The following CNKSR3 variants were observed in gnomAD, a reference collection of about 807,000 sequenced individuals.
The protein encoded by CNKSR3 is connector enhancer of kinase suppressor of ras 3.
A neutral mutation model predicts 67.7 loss-of-function variants in CNKSR3; 36 were observed. The observed-to-expected ratio is 0.53, with a 90% confidence interval of 0.41 to 0.70. CNKSR3 has a LOEUF of 0.70. CNKSR3 is among the 30% of genes least tolerant of loss of function. CNKSR3 has a pLI of 0.00. For synonymous variants in CNKSR3, 281 were observed against 271.4 expected, an observed-to-expected ratio of 1.04 and a Z score of -0.35; for missense variants, 630 against 695.2, an observed-to-expected ratio of 0.91 and a Z score of 1.05.
Position 154,510,204 on chromosome 6 carries a change from C to T in CNKSR3, c.-90G>A, listed in dbSNP as rs1787187784. 2 of 1,494,458 alleles carry T rather than the reference C, an allele frequency of 1.3e-6. No homozygotes were observed. Among genetic ancestry groups the T allele is most frequent in the Non-Finnish European group, 9.3e-7 (1 of 1,077,730 alleles). The allele number at this position is 1,494,458 out of a possible 1,614,324, so 92.6% of individuals were successfully genotyped here. On this transcript the variant is annotated 5_prime_UTR_variant, in exon 1 of 13. Coordinates refer to ENST00000607772, the MANE Select transcript of CNKSR3 (RefSeq NM_173515.4). ...GGTGCCCCTTCCCGGGAGGGCGCGC[C>T]CGCGGCTGCTCCCCTGCGCCCGAGC...
At chr6:154,491,881 T>C (rs776737196) in intron 1 of CNKSR3, among the ~76,000 whole-genome samples, 1 of 152,172 alleles carries the variant, frequency 6.6e-6, no homozygotes, top group Non-Finnish European at 1.5e-5. Flanking sequence ...GATTACAGAT[T>C]TTAAAGGAAT....
chr6:154,406,269 G>T lies in CNKSR3; in HGVS notation c.*85C>A. On this transcript the variant is annotated 3_prime_UTR_variant, in exon 13 of 13. Transcript: ENST00000607772. Reference sequence around the variant, plus strand: ...TTGCATAAGGTCCCTACATAATACTGAGGCTGAAACGAGAAGAGGCTGTCC... The same window carrying T: ...TTGCATAAGGTCCCTACATAATACTTAGGCTGAAACGAGAAGAGGCTGTCC... 1 of 1,284,014 alleles carries T rather than the reference G, an allele frequency of 7.8e-7. No individual in the cohort carries two copies. Among genetic ancestry groups the T allele is most frequent in the Non-Finnish European group, 1.1e-6 (1 of 931,300 alleles). The allele number at this position is 1,284,014 out of a possible 1,614,324, so 79.5% of individuals were successfully genotyped here. A position where few individuals can be genotyped will look rare whatever the true frequency, so the allele number is the denominator to read the frequency against.
At chr6:154,479,472 A>C (rs1450088279) in intron 1 of CNKSR3, among the ~76,000 whole-genome samples, 2 of 152,190 alleles carry the variant, frequency 1.3e-5, no homozygotes, top group Admixed American at 1.3e-4. Flanking sequence ...CCTAAAAATA[A>C]CAAAGAAAGA....
Position 154,389,370 on chromosome 6 carries a change from T to C in CNKSR3, c.*16984A>G, listed in dbSNP as rs1483866222. ...CTATCCTTTCCCCATTATGTATTCT[T>C]GGCACCATTGTTGAAGATCAGTTGA... On this transcript the variant is annotated 3_prime_UTR_variant, in exon 13 of 13. Transcript: ENST00000607772. 6.6e-6 allele frequency: 1 copy of C among 152,488 alleles called. No homozygotes were observed. Among genetic ancestry groups the C allele is most frequent in the African/African-American group, 2.4e-5 (1 of 41,454 alleles). 9.4% of individuals were successfully genotyped at this position (152,488 alleles called of 1,614,324 possible).
chr6:154,452,001 G>C (rs1039700520), intron 1 of CNKSR3, among the ~76,000 whole-genome samples: 14 of 152,178 alleles, frequency 9.2e-5, no homozygotes, highest in African/African-American at 3.4e-4. Context: ...CAGGTGTTGA[G>C]ACCAACACCC....
In CNKSR3 at chr6:154,394,528, G is replaced by A. The variant is rs903607669; in HGVS notation, c.*11826C>T. On this transcript the variant is annotated 3_prime_UTR_variant, in exon 13 of 13. Transcript: ENST00000607772. ...CCAACCTGGAACATCCAAAGTGGAC[G>A]TTGATGAGGAAAATGTAAACTCTTA... is the stretch of plus-strand genomic sequence containing the variant. 1 of 150,558 alleles carries A rather than the reference G, an allele frequency of 6.6e-6. No individual in the cohort carries two copies. The highest frequency in any genetic ancestry group is 1.5e-5 in the Non-Finnish European group (1 of 67,876). 9.3% of individuals were successfully genotyped at this position (150,558 alleles called of 1,614,324 possible). A position where few individuals can be genotyped will look rare whatever the true frequency, so the allele number is the denominator to read the frequency against.
chr6:154,435,376 G>C (rs551989426), intron 4 of CNKSR3, among the ~76,000 whole-genome samples: 2 of 152,102 alleles, frequency 1.3e-5, no homozygotes, highest in Non-Finnish European at 2.9e-5. Context: ...CAATACACCA[G>C]AGCCCAAGAA....
In CNKSR3 at chr6:154,410,015, C is replaced by G. The variant is rs182461488; in HGVS notation, c.1369+328G>C. ...TGAGGTATGATCACGCCACTGCACTCCAGCCTGTGTAACAGAGCAAGATCC... is the reference window on the plus strand; with the variant it reads ...TGAGGTATGATCACGCCACTGCACTGCAGCCTGTGTAACAGAGCAAGATCC... On this transcript the variant is annotated intron_variant, in intron 12 of 12. Transcript: ENST00000607772. 3.1e-4 allele frequency among the ~76,000 whole-genome samples: 47 copies of G among 152,246 alleles called. 1 individual carries two copies. In the East Asian group the frequency reaches 9.1e-3, roughly 29 times the overall value.
chr6:154,449,400 G>A (rs1785776248), intron 2 of CNKSR3, among the ~76,000 whole-genome samples: 1 of 152,150 alleles, frequency 6.6e-6, no homozygotes, highest in African/African-American at 2.4e-5. Context: ...TCTGCTCACT[G>A]CAGCCTCCAC....
At position 154,393,861 on chromosome 6, in the gene CNKSR3, T is replaced by TTGCAAAACATTTCCCC. The variant is rs1455168582; in HGVS notation, c.*12492_*12493insGGGGAAATGTTTTGCA. On this transcript the variant is annotated 3_prime_UTR_variant, in exon 13 of 13. Coordinates refer to ENST00000607772, the MANE Select transcript of CNKSR3 (RefSeq NM_173515.4). ...CCAAGCCTTGCAAAACATGGCAAAA[T>TTGCAAAACATTTCCCC]AAATGTTTTGGGGAAAATGTAGTCT... 6.6e-6 allele frequency: 1 copy of TTGCAAAACATTTCCCC among 152,188 alleles called. No individual in the cohort carries two copies. The highest frequency in any genetic ancestry group is 2.4e-5 in the African/African-American group (1 of 41,434). The allele number at this position is 152,188 out of a possible 1,614,324, so 9.4% of individuals were successfully genotyped here.
chr6:154,454,114 G>C (rs879845636), intron 1 of CNKSR3, among the ~76,000 whole-genome samples: 61,404 of 105,958 alleles, frequency 0.58, 15,300 homozygotes, highest in East Asian at 0.73. Context: ...CAGAGAGAGA[G>C]AGAGAGAGAG....
At chr6:154,501,676 G>A (rs542504230) in intron 1 of CNKSR3, among the ~76,000 whole-genome samples, 1 of 152,172 alleles carries the variant, frequency 6.6e-6, no homozygotes, top group Non-Finnish European at 1.5e-5. Context: ...ATCCAAAGGA[G>A]TCCCCCACCC....
At chr6:154,505,789 C>T (rs1226876697) in intron 1 of CNKSR3, among the ~76,000 whole-genome samples, 8 of 148,650 alleles carry the variant, frequency 5.4e-5, no homozygotes, top group African/African-American at 1.4e-4. Flanking sequence ...CGTGAGCCAC[C>T]GCGCCTGGCC....
At chr6:154,490,295 G>C (rs532317803) in intron 1 of CNKSR3, among the ~76,000 whole-genome samples, 44 of 152,212 alleles carry the variant, frequency 2.9e-4, no homozygotes, top group Non-Finnish European at 5.4e-4. Context: ...CCCAGTTAGT[G>C]CTACATCCCA....
intron 7 of CNKSR3, among the ~76,000 whole-genome samples, chr6:154,426,966 G>T (rs2128714706): frequency 6.6e-6 from 1 of 152,278 alleles, no homozygotes; most frequent in East Asian, 1.9e-4. Flanking sequence ...ATCGTGTGTT[G>T]CATCTTGTGT....
rs1784736987 is a variant in CNKSR3, at chr6:154,403,400, T to G, written c.*2954A>C. On this transcript the variant is annotated 3_prime_UTR_variant, in exon 13 of 13. Coordinates refer to ENST00000607772, the MANE Select transcript of CNKSR3 (RefSeq NM_173515.4). Reference sequence around the variant, plus strand: ...TCTAGCCTGGGTGACAGAGTGAGAATCTGTCTCAGAAAAAAAAAAAAATTT... The same window carrying G: ...TCTAGCCTGGGTGACAGAGTGAGAAGCTGTCTCAGAAAAAAAAAAAAATTT... 1 of 144,148 alleles carries G rather than the reference T, an allele frequency of 6.9e-6. No homozygotes were observed. 8.9% of individuals were successfully genotyped at this position (144,148 alleles called of 1,614,324 possible).
In CNKSR3 at chr6:154,396,574, C is replaced by T. The variant is rs999077684; in HGVS notation, c.*9780G>A. On this transcript the variant is annotated 3_prime_UTR_variant, in exon 13 of 13. Transcript: ENST00000607772. ...ACAGACCCTGCTTTAGAAAGGCTCA[C>T]AATTCAAGCTGGTCTAACACGATGA... 5.9e-5 allele frequency: 9 copies of T among 152,128 alleles called. No individual in the cohort carries two copies. Among genetic ancestry groups the T allele is most frequent in the Admixed American group, 2.0e-4 (3 of 15,286 alleles). 9.4% of individuals were successfully genotyped at this position (152,128 alleles called of 1,614,324 possible). A position where few individuals can be genotyped will look rare whatever the true frequency, so the allele number is the denominator to read the frequency against.
At chr6:154,461,160 C>G (rs11155975) in intron 1 of CNKSR3, among the ~76,000 whole-genome samples, 1 of 151,896 alleles carries the variant, frequency 6.6e-6, no homozygotes, top group Non-Finnish European at 1.5e-5. Context: ...GGGTGCTGGC[C>G]GGGTTATCAT....
chr6:154,414,747 T>C, intron 9 of CNKSR3: 1 of 531,672 alleles, frequency 1.9e-6, no homozygotes, highest in Non-Finnish European at 3.8e-6. Flanking sequence ...GTGATACTGA[T>C]AATATCTCTT....
Sources: allele counts gnomAD v4.1 joint callset (sites outside exome capture counted in the v4.1 genomes callset), GRCh38; gene constraint gnomAD v4.1.1; transcripts MANE v1.5; gene names NCBI Gene and HGNC (gene_info 2026-07-23, HGNC 2026-07-21).